DNAI3: variants seen among roughly 807,000 people sequenced by gnomAD.
DNAI3 encodes the protein WD repeat domain 63.
Under a neutral mutation model 115.5 loss-of-function variants are expected in DNAI3, and 83 were observed. The ratio of observed to expected loss-of-function variants is 0.72; its 90% CI spans 0.60 to 0.86. DNAI3 has a LOEUF of 0.86. Ranked by LOEUF, DNAI3 falls within the 40% of genes least tolerant of loss-of-function variation. The probability of loss-of-function intolerance (pLI) is 0.00; values close to 1 mark genes in which losing one functional copy is unlikely to be tolerated. For missense variants in DNAI3, 1,004 were observed against 1,075.8 expected (o/e 0.93, Z 0.93); for synonymous variants, 320 against 347.0 (o/e 0.92, Z 0.86).
intron 21 of DNAI3, 91 bp downstream of exon 21, chr1:85,128,890 T>TC: frequency 2.5e-6 from 3 of 1,213,692 alleles, no homozygotes; most frequent in Non-Finnish European, 3.6e-6. Context: ...ACAGCATTTT[T>TC]GCTCTGTAAG....
At chr1:85,092,825 A>ACG (rs1339510035) in intron 8 of DNAI3, among the ~76,000 whole-genome samples, 21 of 115,250 alleles carry the variant, frequency 1.8e-4, no homozygotes, top group Non-Finnish European at 2.4e-4. Flanking sequence ...ACACACACAC[A>ACG]CACACACACA....
intron 14 of DNAI3, among the ~76,000 whole-genome samples, chr1:85,105,541 A>G: frequency 8.0e-6 from 1 of 125,532 alleles, no homozygotes; most frequent in East Asian, 2.2e-4. Context: ...AAAAAAAAAA[A>G]GAAAAAGAAA....
At chr1:85,094,128 A>G (rs1261953535) in intron 9 of DNAI3, 2 of 425,930 alleles carry the variant, frequency 4.7e-6, no homozygotes, top group South Asian at 4.8e-5. Flanking sequence ...CTTTCACCCT[A>G]CACTGGCCCT....
chr1:85,070,516 A>C (rs979820634), intron 1 of DNAI3, among the ~76,000 whole-genome samples: 28 of 151,946 alleles, frequency 1.8e-4, no homozygotes, highest in Admixed American at 3.9e-4. Flanking sequence ...TAAAATGGAG[A>C]TGAAGATAAT....
chr1:85,126,094 C>G (rs377092429), intron 19 of DNAI3, among the ~76,000 whole-genome samples: 3 of 152,298 alleles, frequency 2.0e-5, no homozygotes, highest in East Asian at 3.9e-4. Context: ...TTGTTTTACT[C>G]TCTACTGTTT....
At position 85,108,077 on chromosome 1, in the gene DNAI3, C is replaced by T; in HGVS notation, c.1598C>T (p.Pro533Leu). ...WDIRPQKPLT[P>L]QTTEKKKEES... ...ATTAGACCACAGAAACCTTTAACCCCCCAAACAACAGAGAAAAAGAAGGAG... is the reference window on the plus strand; with the variant it reads ...ATTAGACCACAGAAACCTTTAACCCTCCAAACAACAGAGAAAAAGAAGGAG... The change falls in exon 15 of 23, where the codon CCC becomes CTC. Residue 533 changes from proline to leucine, a missense_variant. Around this residue, in one of 3 missense-constraint regions of DNAI3, gnomAD observed 429 missense variants for 454.3 expected, o/e 0.94. Coordinates refer to ENST00000294664, the MANE Select transcript of DNAI3 (RefSeq NM_145172.5). 3 of 1,608,940 alleles carry T rather than the reference C, an allele frequency of 1.9e-6. No homozygotes were observed. Among genetic ancestry groups the T allele is most frequent in the South Asian group, 2.2e-5 (2 of 89,938 alleles).
chr1:85,067,359 A>G (rs1438666585), intron 1 of DNAI3, among the ~76,000 whole-genome samples: 1 of 152,220 alleles, frequency 6.6e-6, no homozygotes. Flanking sequence ...GGCAGCTTGC[A>G]TTAATGCACA....
rs1382397543 is a variant in DNAI3 at position 85,132,865 on chromosome 1, A to G, written c.2543A>G (p.Gln848Arg). ...TTCTTCCCCCCCCAGAAAACATATC[A>G]GAAGTCAAAAGAACAAATGCAGGCT... ...EMAKKKVKTY[Q>R]KSKEQMQAEL... The change falls in exon 23 of 23, where the codon CAG becomes CGG. Residue 848 changes from glutamine (Q) to arginine (R), a missense_variant. Gln to Arg is a conservative substitution (Grantham distance 43). Around this residue, in one of 3 missense-constraint regions of DNAI3, gnomAD observed 429 missense variants for 454.3 expected, o/e 0.94. Transcript: ENST00000294664. The G allele has an allele frequency of 6.2e-7, 1 of 1,613,462 alleles. No individual in the cohort carries two copies. Among genetic ancestry groups the G allele is most frequent in the Non-Finnish European group, 8.5e-7 (1 of 1,179,752 alleles).
chr1:85,128,766 T>C lies in DNAI3; in HGVS notation c.2376T>C (p.Ile792=), dbSNP rs766941309. 2 of 1,613,232 alleles carry C rather than the reference T, an allele frequency of 1.2e-6. No individual in the cohort carries two copies. The highest frequency in any genetic ancestry group is 1.7e-6 in the Non-Finnish European group (2 of 1,179,818). The change falls in exon 21 of 23, where the codon ATT becomes ATC. Residue 792 remains isoleucine (I), a synonymous_variant. Coordinates refer to ENST00000294664, the MANE Select transcript of DNAI3 (RefSeq NM_145172.5). Reference sequence around the variant, plus strand: ...ATGGAACACTGCATATATTAGAAATTCCTTGGACATTAAGTCGCCCTTCCA... The same window carrying C: ...ATGGAACACTGCATATATTAGAAATCCCTTGGACATTAAGTCGCCCTTCCA... ...DYYGTLHILE[I]PWTLSRPSTN... is the part of the protein sequence containing the mutation.
At position 85,081,374 on chromosome 1, in the gene DNAI3, G is replaced by A. The variant is rs780969830; in HGVS notation, c.244G>A (p.Ala82Thr). 6.3e-7 allele frequency: 1 copy of A among 1,590,384 alleles called. No homozygotes were observed. The highest frequency in any genetic ancestry group is 1.9e-5 in the Admixed American group (1 of 52,818). Residue 82 changes from alanine (A) to threonine (T), a missense_variant, in exon 4 of 23, where the codon GCT (alanine) becomes ACT (threonine). Around this residue, in one of 3 missense-constraint regions of DNAI3, gnomAD observed 550 missense variants for 568.1 expected, o/e 0.97. Transcript: ENST00000294664. ...EDIFEDLRNR[A>T]AVSDFHPVKK... ...CATTTTTGAGGACCTGCGCAACAGA[G>A]CTGCAGTATCTGATTTCCACCCAGT...
chr1:85,086,377 T>C (rs1654801539), intron 7 of DNAI3, among the ~76,000 whole-genome samples: 2 of 152,178 alleles, frequency 1.3e-5, no homozygotes, highest in Admixed American at 6.5e-5. Flanking sequence ...AAACATCAAA[T>C]CAGATGGTGT....
chr1:85,087,133 C>T (rs1654821170), intron 7 of DNAI3, among the ~76,000 whole-genome samples: 1 of 152,068 alleles, frequency 6.6e-6, no homozygotes, highest in Admixed American at 6.6e-5. Flanking sequence ...TTCCCTGACA[C>T]TCCTATATAA....
chr1:85,094,623 T>C, intron 10 of DNAI3, 68 bp downstream of exon 10: 8 of 1,557,822 alleles, frequency 5.1e-6, no homozygotes, highest in Non-Finnish European at 7.0e-6. Flanking sequence ...CCTTTAGCAG[T>C]TTTTATTGCA....
rs539129133 is a variant in DNAI3 at position 85,132,689 on chromosome 1, T to C, written c.2533-166T>C. Among the ~76,000 whole-genome samples the C allele has an allele frequency of 2.6e-5, 4 of 152,208 alleles. No individual in the cohort carries two copies. In the South Asian group the frequency reaches 8.3e-4, roughly 32 times the overall value. On this transcript the variant is annotated intron_variant, in intron 22 of 22. Coordinates refer to ENST00000294664, the MANE Select transcript of DNAI3 (RefSeq NM_145172.5). The stretch of plus-strand genomic sequence containing the variant: ...CCCCACTCCCTCCTTTCCCAGCACA[T>C]CTGACTGCCTCCTGCCCACCTGCCC...
chr1:85,097,162 C>A (rs915840679), intron 11 of DNAI3, among the ~76,000 whole-genome samples: 4 of 151,954 alleles, frequency 2.6e-5, no homozygotes, highest in Non-Finnish European at 2.9e-5. Flanking sequence ...ATAATCACTT[C>A]CCAGCCTTCT....
At chr1:85,126,474 A>G in intron 19 of DNAI3, 37 bp from the exon 20 acceptor site, 3 of 1,579,280 alleles carry the variant, frequency 1.9e-6, no homozygotes, top group East Asian at 2.3e-5. Flanking sequence ...TAATAACAAA[A>G]TCTTCTTTAT....
chr1:85,114,662 C>G (rs1655760767), intron 16 of DNAI3, among the ~76,000 whole-genome samples: 1 of 152,244 alleles, frequency 6.6e-6, no homozygotes, highest in African/African-American at 2.4e-5. Context: ...TTTGGTCACA[C>G]TGCCGACTAT....
intron 7 of DNAI3, among the ~76,000 whole-genome samples, chr1:85,089,624 A>C (rs1654908221): frequency 6.6e-6 from 1 of 151,778 alleles, no homozygotes; most frequent in Admixed American, 6.6e-5. Flanking sequence ...TGTGCTTTGT[A>C]GGGTTTTTAA....
Position 85,071,834 on chromosome 1 carries a change from T to G in DNAI3, c.-14-94T>G, listed in dbSNP as rs112748055. On this transcript the variant is annotated intron_variant, in intron 1 of 22. Coordinates refer to ENST00000294664, the MANE Select transcript of DNAI3 (RefSeq NM_145172.5). ...CCAGGGTAAATCTTAGAAAACATAT[T>G]CTTATGTTTATTAAATGATAATGTT... 4,452 of 1,232,128 alleles carry G rather than the reference T, an allele frequency of 3.6e-3. 133 individuals carry two copies. The African/African-American group carries it at 0.062, about 17-fold the overall frequency. 76.3% of individuals were successfully genotyped at this position (1,232,128 alleles called of 1,614,324 possible). A position where few individuals can be genotyped will look rare whatever the true frequency, so the allele number is the denominator to read the frequency against.
Sources: gnomAD v4.1 joint callset for allele counts (sites outside exome capture counted in the v4.1 genomes callset) on GRCh38, gnomAD v4.1.1 for gene constraint, gnomAD v4.1.1 regional missense constraint, MANE v1.5 for transcripts, NCBI Gene and HGNC (gene_info 2026-07-23, HGNC 2026-07-21) for gene names.